The following BCAS3 variants were observed in gnomAD, a reference collection of about 807,000 sequenced individuals.
The protein encoded by BCAS3 is BCAS3 microtubule associated cell migration factor, also known as BCAS4/BCAS3 fusion.
BCAS3 carries 53 observed loss-of-function variants against 116.1 expected under a neutral mutation model. The ratio of observed to expected loss-of-function variants is 0.46; its 90% CI spans 0.37 to 0.57. BCAS3 has a LOEUF of 0.57. Among genes scored for constraint, BCAS3 ranks in the 20% least tolerant of loss-of-function variants. The probability of loss-of-function intolerance (pLI) is 0.00; values close to 1 mark genes in which losing one functional copy is unlikely to be tolerated. For synonymous variants in BCAS3, 391 were observed against 408.2 expected (o/e 0.96, Z 0.51); for missense variants, 917 against 1,165.4 (o/e 0.79, Z 3.10).
At chr17:60,702,345 T>C (rs1290581492) in intron 4 of BCAS3, among the ~76,000 whole-genome samples, 1 of 152,212 alleles carries the variant, frequency 6.6e-6, no homozygotes, top group African/African-American at 2.4e-5. Context: ...GTGATCTCTT[T>C]AGATTCTCAC....
At position 61,126,254 on chromosome 17, in the gene BCAS3, G is replaced by A. The variant is rs1489512767; in HGVS notation, c.2425+41690G>A. On this transcript the variant is annotated intron_variant, in intron 22 of 23. Coordinates refer to ENST00000407086, the MANE Select transcript of BCAS3 (RefSeq NM_017679.5). This position sits in a 1 kb window ranked among gnomAD's most constrained non-coding sequence, Gnocchi z 4.6. Reference sequence around the variant, plus strand: ...ATTGTGTGTGCGTTGTGGCATGTGGGTACATCAGAAGTATATTTGCAAATT... The same window carrying A: ...ATTGTGTGTGCGTTGTGGCATGTGGATACATCAGAAGTATATTTGCAAATT... 6.6e-6 allele frequency among the ~76,000 whole-genome samples: 1 copy of A among 152,050 alleles called. No homozygotes were observed. The highest frequency in any genetic ancestry group is 2.4e-5 in the African/African-American group (1 of 41,394).
chr17:61,344,934 TACAC>T lies in BCAS3; in HGVS notation c.2426-23382_2426-23379del, dbSNP rs375725996. Among the ~76,000 whole-genome samples, 3 of 142,912 alleles carry T rather than the reference TACAC, an allele frequency of 2.1e-5. No homozygotes were observed. The highest frequency in any genetic ancestry group is 4.5e-4 in the South Asian group (2 of 4,490). 93.8% of individuals were successfully genotyped at this position (142,912 alleles called of 152,430 possible). A position where few individuals can be genotyped will look rare whatever the true frequency, so the allele number is the denominator to read the frequency against. On this transcript the variant is annotated intron_variant, in intron 22 of 23. Coordinates refer to ENST00000407086, the MANE Select transcript of BCAS3 (RefSeq NM_017679.5). This position sits in a 1 kb window ranked among gnomAD's most constrained non-coding sequence, Gnocchi z 4.1. ...TCGGAAATACACACACACACACACA[TACAC>T]ACACACACACGCACACCCCTCACAG...
In BCAS3 at chr17:61,258,730, G is replaced by A. The variant is rs2048977300; in HGVS notation, c.2426-109597G>A. ...TTAGTAGACTCATTTGATATAACAG[G>A]GACTGGTATACACCCTCTGTAGTTG... On this transcript the variant is annotated intron_variant, in intron 22 of 23. Transcript: ENST00000407086. The surrounding 1 kb of genome is among the most constrained non-coding windows in gnomAD (Gnocchi z 4.7). 6.6e-6 allele frequency among the ~76,000 whole-genome samples: 1 copy of A among 152,124 alleles called. No homozygotes were observed. The highest frequency in any genetic ancestry group is 1.5e-5 in the Non-Finnish European group (1 of 68,020).
intron 22 of BCAS3, among the ~76,000 whole-genome samples, chr17:61,115,369 A>G (rs1568384488): frequency 6.6e-6 from 1 of 152,078 alleles, no homozygotes; most frequent in African/African-American, 2.4e-5. Context: ...CCCAGAATCT[A>G]CAATGAACTC....
At chr17:60,869,750 A>G (rs1246792809) in intron 8 of BCAS3, among the ~76,000 whole-genome samples, 1 of 152,188 alleles carries the variant, frequency 6.6e-6, no homozygotes, top group Non-Finnish European at 1.5e-5. Context: ...AAACAACGTT[A>G]TTGAATGGGT....
intron 19 of BCAS3, among the ~76,000 whole-genome samples, chr17:61,057,788 T>C (rs1171741576): frequency 6.6e-6 from 1 of 152,214 alleles, no homozygotes; most frequent in African/African-American, 2.4e-5. Flanking sequence ...ATGGAAAATG[T>C]ATGTTTCATA....
chr17:61,067,714 CAAACA>C (rs1335088465), intron 19 of BCAS3, among the ~76,000 whole-genome samples: 3 of 102,678 alleles, frequency 2.9e-5, no homozygotes, highest in African/African-American at 1.2e-4. Flanking sequence ...GACTCCATCT[CAAACA>C]AACAAACAAA....
intron 19 of BCAS3, chr17:61,070,473 A>G (rs1037581536): frequency 3.4e-5 from 6 of 176,236 alleles, no homozygotes; most frequent in Admixed American, 6.6e-5. Flanking sequence ...TGTTATTCAC[A>G]TGAGAATTTT....
chr17:60,762,793 A>G (rs920113454), intron 6 of BCAS3, among the ~76,000 whole-genome samples: 21 of 151,904 alleles, frequency 1.4e-4, no homozygotes, highest in African/African-American at 5.1e-4. Context: ...CTTGGTCGGT[A>G]TGGCCATTTT....
intron 19 of BCAS3, among the ~76,000 whole-genome samples, chr17:61,062,454 A>G (rs1387506831): frequency 2.0e-5 from 3 of 152,204 alleles, no homozygotes; most frequent in Non-Finnish European, 4.4e-5. Context: ...GTTATGATAC[A>G]ATTCTTTAAA....
Position 61,105,867 on chromosome 17 carries a change from G to A in BCAS3, c.2425+21303G>A, listed in dbSNP as rs1355717088. Among the ~76,000 whole-genome samples, 2 of 152,146 alleles carry A rather than the reference G, an allele frequency of 1.3e-5. No individual in the cohort carries two copies. Among genetic ancestry groups the A allele is most frequent in the Non-Finnish European group, 2.9e-5 (2 of 68,032 alleles). On this transcript the variant is annotated intron_variant, in intron 22 of 23. Coordinates refer to ENST00000407086, the MANE Select transcript of BCAS3 (RefSeq NM_017679.5). The surrounding 1 kb of genome is among the most constrained non-coding windows in gnomAD (Gnocchi z 4.3). ...GGTTAAATTCATTTGTCACATATTG[G>A]TGTTTTATTTAAAATATTGTCCAGA...
At chr17:60,800,963 A>G (rs955922014) in intron 6 of BCAS3, among the ~76,000 whole-genome samples, 12 of 152,082 alleles carry the variant, frequency 7.9e-5, no homozygotes, top group Non-Finnish European at 1.8e-4. Context: ...CTTATTTACT[A>G]TAGTTATATA....
At chr17:61,066,566 A>G (rs1464402368) in intron 19 of BCAS3, among the ~76,000 whole-genome samples, 1 of 152,124 alleles carries the variant, frequency 6.6e-6, no homozygotes, top group Admixed American at 6.5e-5. Flanking sequence ...ATCTTAAACC[A>G]TGTCCAATAT....
intron 7 of BCAS3, among the ~76,000 whole-genome samples, chr17:60,809,022 G>A (rs760545860): frequency 6.6e-6 from 1 of 152,048 alleles, no homozygotes; most frequent in Non-Finnish European, 1.5e-5. Context: ...GGTGACTCAC[G>A]CCTGTAATCC....
intron 18 of BCAS3, among the ~76,000 whole-genome samples, chr17:61,039,326 T>C (rs551433993): frequency 1.2e-4 from 19 of 152,340 alleles, no homozygotes; most frequent in African/African-American, 4.6e-4. Flanking sequence ...TTATACTGCA[T>C]TTTGTTTATC....
rs1000358959 is a variant in BCAS3, at chr17:61,101,176, C to T, written c.2425+16612C>T. 4.6e-5 allele frequency among the ~76,000 whole-genome samples: 7 copies of T among 152,234 alleles called. No homozygotes were observed. The South Asian group carries it at 6.2e-4, about 14-fold the overall frequency. ...TAAAAGACCATTGGCAAAACCTCTC[C>T]GATGAGATTTTGATGATGGAAGAAT... On this transcript the variant is annotated intron_variant, in intron 22 of 23. Transcript: ENST00000407086.
chr17:61,014,712 G>A (rs2065333077), intron 15 of BCAS3, among the ~76,000 whole-genome samples: 1 of 151,588 alleles, frequency 6.6e-6, no homozygotes. Flanking sequence ...TTTTGAGGAT[G>A]ACATAATTAT....
At position 61,023,579 on chromosome 17, in the gene BCAS3, C is replaced by T. The variant is rs182640195; in HGVS notation, c.1637+7678C>T. 6.6e-6 allele frequency among the ~76,000 whole-genome samples: 1 copy of T among 152,174 alleles called. No homozygotes were observed. The highest frequency in any genetic ancestry group is 1.9e-4 in the East Asian group (1 of 5,180). ...TTTTTCTCATATTAAAAAAATTCTT[C>T]GTGTTTACCTTGTTTTCAGCTAGTA... On this transcript the variant is annotated intron_variant, in intron 16 of 23. Coordinates refer to ENST00000407086, the MANE Select transcript of BCAS3 (RefSeq NM_017679.5). This position sits in a 1 kb window ranked among gnomAD's most constrained non-coding sequence, Gnocchi z 4.8.
At chr17:61,155,315 A>C (rs1200688194) in intron 22 of BCAS3, among the ~76,000 whole-genome samples, 2 of 152,176 alleles carry the variant, frequency 1.3e-5, no homozygotes, top group Non-Finnish European at 2.9e-5. Flanking sequence ...TTATAGGAAA[A>C]TTTGAATTGG....
Sources: allele counts gnomAD v4.1 joint callset (sites outside exome capture counted in the v4.1 genomes callset), GRCh38; gene constraint gnomAD v4.1.1; non-coding constraint Gnocchi (gnomAD v3.1); transcripts MANE v1.5; gene names NCBI Gene and HGNC (gene_info 2026-07-23, HGNC 2026-07-21).